SLC25A30: variants seen among roughly 807,000 people sequenced by gnomAD.
SLC25A30 encodes solute carrier family 25 member 30.
SLC25A30 carries 29 observed loss-of-function variants against 42.7 expected under a neutral mutation model. That is an observed-to-expected ratio of 0.68 (90% CI 0.51 to 0.93). The LOEUF is 0.93. SLC25A30 is among the 40% of genes least tolerant of loss of function. The pLI is 0.00. For missense variants in SLC25A30, 300 were observed against 359.7 expected (o/e 0.83, Z 1.34); for synonymous variants, 124 against 131.0 (o/e 0.95, Z 0.37).
chr13:45,409,989 T>C (rs989325463), intron 2 of SLC25A30, among the ~76,000 whole-genome samples: 14 of 152,156 alleles, frequency 9.2e-5, no homozygotes, highest in Admixed American at 6.5e-5. Flanking sequence ...CCACGGCTCA[T>C]CCAGCTTACC....
chr13:45,402,142 A>C, intron 6 of SLC25A30, 133 bp downstream of exon 6: 1 of 575,534 alleles, frequency 1.7e-6, no homozygotes, highest in Admixed American at 3.4e-5. Context: ...AGATATTTTC[A>C]TGGGCAGAAG....
chr13:45,423,110 A>G (rs1038368300), upstream of SLC25A30, among the ~76,000 whole-genome samples: 3 of 152,142 alleles, frequency 2.0e-5, no homozygotes, highest in African/African-American at 7.2e-5. Context: ...AGTGCTCAGC[A>G]TAGCACCTGG....
At chr13:45,413,764 G>T (rs922355813) in intron 1 of SLC25A30, among the ~76,000 whole-genome samples, 3 of 152,200 alleles carry the variant, frequency 2.0e-5, no homozygotes, top group Admixed American at 6.5e-5. Flanking sequence ...TGTTGGCCAG[G>T]CTGGTCTTGA....
At chr13:45,409,580 G>A (rs1313425655) in intron 2 of SLC25A30, among the ~76,000 whole-genome samples, 2 of 152,210 alleles carry the variant, frequency 1.3e-5, no homozygotes, top group African/African-American at 4.8e-5. Context: ...AGGCTGAGGT[G>A]GGCGGATCAC....
At chr13:45,427,183 T>A in the SLC25A30 span, among the ~76,000 whole-genome samples, 2,291 of 152,200 alleles carry the variant, frequency 0.015, 53 homozygotes, top group African/African-American at 0.051. Context: ...TGCTTTGACA[T>A]GCTGAACTGA....
Position 45,393,688 on chromosome 13 carries a change from T to A in SLC25A30, c.*2286A>T. The A allele has an allele frequency of 2.0e-6, 2 of 985,442 alleles. No homozygotes were observed. Among genetic ancestry groups the A allele is most frequent in the South Asian group, 9.4e-5 (2 of 21,284 alleles). The allele number at this position is 985,442 out of a possible 1,614,324, so 61.0% of individuals were successfully genotyped here. On this transcript the variant is annotated 3_prime_UTR_variant, in exon 10 of 10. Coordinates refer to ENST00000519676, the MANE Select transcript of SLC25A30 (RefSeq NM_001010875.4). ...TCTCCCAATTCCTTAAGTTGTTTCT[T>A]GGTTAGAAGCTTCAACAATTGCATT...
the SLC25A30 span, among the ~76,000 whole-genome samples, chr13:45,424,831 T>TATAGAAATATGTATATAAACATAA: frequency 3.7e-5 from 2 of 53,678 alleles, no homozygotes; most frequent in African/African-American, 1.6e-4. Flanking sequence ...TATAAAAATA[T>TATAGAAATATGTATATAAACATAA]ATATATAAAA....
chr13:45,400,625 T>C (rs1881878720), intron 7 of SLC25A30, among the ~76,000 whole-genome samples: 1 of 152,130 alleles, frequency 6.6e-6, no homozygotes, highest in Admixed American at 6.5e-5. Context: ...GTCTCCCATG[T>C]TGCTGGGACC....
Position 45,394,768 on chromosome 13 carries a change from C to T in SLC25A30, c.*1206G>A, listed in dbSNP as rs763880041. ...GAAAAAGGGAAAATATTACATACCACCTATCAGAAACTAGCTAAATAGATG... is the reference window on the plus strand; with the variant it reads ...GAAAAAGGGAAAATATTACATACCATCTATCAGAAACTAGCTAAATAGATG... On this transcript the variant is annotated 3_prime_UTR_variant, in exon 10 of 10. Transcript: ENST00000519676. 1.0e-6 allele frequency: 1 copy of T among 985,150 alleles called. No homozygotes were observed. The highest frequency in any genetic ancestry group is 1.2e-6 in the Non-Finnish European group (1 of 829,710). 61.0% of individuals were successfully genotyped at this position (985,150 alleles called of 1,614,324 possible).
chr13:45,396,966 T>C, intron 9 of SLC25A30: 1 of 238,916 alleles, frequency 4.2e-6, no homozygotes, highest in Non-Finnish European at 8.1e-6. Flanking sequence ...CCAATCCTCC[T>C]CTCTCTCTCT....
At position 45,402,397 on chromosome 13, in the gene SLC25A30, CAGAA is replaced by C. The variant is rs748785925; in HGVS notation, c.394-31_394-28del. The C allele has an allele frequency of 1.2e-5, 19 of 1,573,442 alleles. No homozygotes were observed. The African/African-American group carries it at 2.4e-4, about 20-fold the overall frequency. On this transcript the variant is annotated intron_variant, in intron 5 of 9. Coordinates refer to ENST00000519676, the MANE Select transcript of SLC25A30 (RefSeq NM_001010875.4). ...TAGAGATTATTTTAAAGACCAACAT[CAGAA>C]AGAAACTACCACAATCCCACCCACA...
chr13:45,416,654 C>G (rs1173481447), intron 1 of SLC25A30, among the ~76,000 whole-genome samples: 3 of 151,940 alleles, frequency 2.0e-5, no homozygotes, highest in Admixed American at 6.6e-5. Context: ...GACTCTAGTC[C>G]CAGCTACTCC....
chr13:45,396,009 CAAAG>C lies in SLC25A30; in HGVS notation c.837_840del (p.Phe279LeufsTer2), dbSNP rs1555284716. Reference sequence around the variant, plus strand: ...AATTTCTTCAACTGCTCGTATGTCACAAAGAACTGTGGTTATGGGTTAAGGATGA... The same window carrying C: ...AATTTCTTCAACTGCTCGTATGTCACAACTGTGGTTATGGGTTAAGGATGA... On this transcript the variant is annotated frameshift_variant and splice_region_variant, in exon 10 of 10. Coordinates refer to ENST00000519676, the MANE Select transcript of SLC25A30 (RefSeq NM_001010875.4). LOFTEE classifies it high-confidence loss of function. The C allele has an allele frequency of 6.8e-6, 11 of 1,614,172 alleles. No individual in the cohort carries two copies. The highest frequency in any genetic ancestry group is 9.3e-6 in the Non-Finnish European group (11 of 1,180,030).
intron 2 of SLC25A30, among the ~76,000 whole-genome samples, chr13:45,410,067 C>T (rs1166718011): frequency 6.6e-6 from 1 of 152,144 alleles, no homozygotes; most frequent in Non-Finnish European, 1.5e-5. Flanking sequence ...AGTGACTGAG[C>T]CCTGGAAGCA....
At chr13:45,428,458 C>T in the SLC25A30 span, among the ~76,000 whole-genome samples, 15 of 151,298 alleles carry the variant, frequency 9.9e-5, no homozygotes, top group African/African-American at 2.7e-4. Flanking sequence ...CTGCCCACCT[C>T]GGCCTCCCAA....
At chr13:45,424,719 AT>A in the SLC25A30 span, among the ~76,000 whole-genome samples, 16 of 65,046 alleles carry the variant, frequency 2.5e-4, 3 homozygotes, top group Admixed American at 8.0e-4. Context: ...ACATATATAA[AT>A]ATATATAAAT....
At chr13:45,424,591 A>T in the SLC25A30 span, among the ~76,000 whole-genome samples, 18 of 64,148 alleles carry the variant, frequency 2.8e-4, 2 homozygotes, top group African/African-American at 1.0e-3. Flanking sequence ...ATATATAAAT[A>T]TATATAAATA....
chr13:45,432,129 G>A, the SLC25A30 span, among the ~76,000 whole-genome samples: 3 of 151,930 alleles, frequency 2.0e-5, no homozygotes, highest in South Asian at 6.2e-4. Context: ...AACAAACCGG[G>A]CATGGTAGTG....
In SLC25A30 at chr13:45,412,710, A is replaced by T. The variant is rs972932402; in HGVS notation, c.-55-1230T>A. Among the ~76,000 whole-genome samples, 37 of 152,164 alleles carry T rather than the reference A, an allele frequency of 2.4e-4. 1 individual carries two copies. Among genetic ancestry groups the T allele is most frequent in the Non-Finnish European group, 2.9e-5 (2 of 68,030 alleles). On this transcript the variant is annotated intron_variant, in intron 1 of 9. Coordinates refer to ENST00000519676, the MANE Select transcript of SLC25A30 (RefSeq NM_001010875.4). ...ATATATTTTAAAGACACTCACAAAT[A>T]TTGCCCTCCATCTTCCTTTTCCATA...
Sources: allele counts gnomAD v4.1 joint callset (sites outside exome capture counted in the v4.1 genomes callset), GRCh38; gene constraint gnomAD v4.1.1; transcripts MANE v1.5; gene names NCBI Gene and HGNC (gene_info 2026-07-23, HGNC 2026-07-21).